ARHGEF37: variants seen among roughly 807,000 people sequenced by gnomAD.
The protein encoded by ARHGEF37 is Rho guanine nucleotide exchange factor (GEF) 37.
In ARHGEF37, 55 loss-of-function variants were observed where a neutral mutation model predicts 71.1. That is an observed-to-expected ratio of 0.77 (90% confidence interval 0.62 to 0.97). The LOEUF is 0.97. ARHGEF37 is among the 50% of genes least tolerant of loss of function. ARHGEF37 has a pLI of 0.00. For synonymous variants in ARHGEF37, 327 were observed against 350.6 expected, an observed-to-expected ratio of 0.93 and a Z score of 0.75; for missense variants, 765 against 836.8, an observed-to-expected ratio of 0.91 and a Z score of 1.06.
intron 1 of ARHGEF37, among the ~76,000 whole-genome samples, chr5:149,589,975 G>A (rs945605264): frequency 6.6e-6 from 1 of 152,056 alleles, no homozygotes; most frequent in Non-Finnish European, 1.5e-5. Flanking sequence ...CCTACATCAT[G>A]TTTTAATTTA....
At chr5:149,577,769 C>T (rs1763043100), upstream of ARHGEF37, among the ~76,000 whole-genome samples, 1 of 152,216 alleles carries the variant, frequency 6.6e-6, no homozygotes, top group South Asian at 2.1e-4. Context: ...GCCCAGCCTT[C>T]ATGTTACCAT....
At chr5:149,611,598 G>A (rs192546370) in intron 4 of ARHGEF37, among the ~76,000 whole-genome samples, 2 of 152,362 alleles carry the variant, frequency 1.3e-5, no homozygotes, top group Admixed American at 1.3e-4. Context: ...TTGGCCCCTG[G>A]CCATGAGAGA....
At chr5:149,622,116 A>G (rs976578884) in intron 9 of ARHGEF37, 54 bp downstream of exon 9, 3 of 1,496,484 alleles carry the variant, frequency 2.0e-6, no homozygotes, top group Non-Finnish European at 2.7e-6. Context: ...AAGGCCCTGC[A>G]GCCCCATCAG....
Position 149,555,413 on chromosome 5 carries a change from C to G in ARHGEF37, c.-12+3290C>G, listed in dbSNP as rs186696932. Among the ~76,000 whole-genome samples the G allele has an allele frequency of 3.2e-3, 487 of 152,108 alleles. 3 individuals are homozygous for G. Among genetic ancestry groups the G allele is most frequent in the African/African-American group, 0.011 (465 of 41,508 alleles). ...AGACCTCCTGGGCTCAAGCAATCCCCCTGCCTCAAGCTTCCCCAGTAGCTA... is the reference window on the plus strand; with the variant it reads ...AGACCTCCTGGGCTCAAGCAATCCCGCTGCCTCAAGCTTCCCCAGTAGCTA... On this transcript the variant is annotated intron_variant, in intron 1 of 2. Transcript: ENST00000505810.
intron 10 of ARHGEF37, 83 bp from the exon 11 acceptor site, chr5:149,626,993 T>C (rs1752706117): frequency 4.9e-6 from 7 of 1,432,022 alleles, no homozygotes; most frequent in African/African-American, 2.8e-5. Context: ...TACTCCTGGC[T>C]GTCAAAATGT....
intron 1 of ARHGEF37, among the ~76,000 whole-genome samples, chr5:149,590,915 A>G (rs921724255): frequency 6.6e-6 from 1 of 151,790 alleles, no homozygotes; most frequent in East Asian, 1.9e-4. Flanking sequence ...GGCTACACCA[A>G]TCTACACTTA....
At chr5:149,576,519 A>G (rs1483981743), upstream of ARHGEF37, among the ~76,000 whole-genome samples, 1 of 152,216 alleles carries the variant, frequency 6.6e-6, no homozygotes, top group African/African-American at 2.4e-5. Flanking sequence ...AAAAATTATT[A>G]TACATTAGTA....
At chr5:149,601,434 C>G (rs372548991) in intron 3 of ARHGEF37, among the ~76,000 whole-genome samples, 1 of 152,106 alleles carries the variant, frequency 6.6e-6, no homozygotes, top group Non-Finnish European at 1.5e-5. Flanking sequence ...TTACAGAGAC[C>G]GAGCCCCAGA....
rs1293391789 is a variant in ARHGEF37, at chr5:149,631,172, CTTTT to C, written c.1819-806_1819-803del. Among the ~76,000 whole-genome samples, 69 of 118,168 alleles carry C rather than the reference CTTTT, an allele frequency of 5.8e-4. No individual in the cohort carries two copies. The East Asian group carries it at 0.017, about 29-fold the overall frequency. The allele number at this position is 118,168 out of a possible 152,430, so 77.5% of individuals were successfully genotyped here. A position where few individuals can be genotyped will look rare whatever the true frequency, so the allele number is the denominator to read the frequency against. On this transcript the variant is annotated intron_variant, in intron 12 of 12. Coordinates refer to ENST00000333677, the MANE Select transcript of ARHGEF37 (RefSeq NM_001001669.3). ...CTTTCCTTCCTTCCTTCCTTCCTTT[CTTTT>C]TTTCTTTTTTTTTTTTTCGGGGTCT... is the stretch of plus-strand genomic sequence containing the variant.
intron 1 of ARHGEF37, among the ~76,000 whole-genome samples, chr5:149,584,602 TTTTCTTTTTC>T (rs1231395334): frequency 6.6e-6 from 1 of 152,148 alleles, no homozygotes; most frequent in Non-Finnish European, 1.5e-5. Context: ...TATATGTTTC[TTTTCTTTTTC>T]TTTTTTTTTT....
At chr5:149,555,230 A>C (rs1762737936) in intron 1 of ARHGEF37, among the ~76,000 whole-genome samples, 3 of 152,244 alleles carry the variant, frequency 2.0e-5, no homozygotes, top group Non-Finnish European at 4.4e-5. Flanking sequence ...AGTGTAGAAT[A>C]AAAATAAAAA....
intron 1 of ARHGEF37, among the ~76,000 whole-genome samples, chr5:149,556,683 G>A (rs1402171252): frequency 6.6e-6 from 1 of 151,992 alleles, no homozygotes; most frequent in African/African-American, 2.4e-5. Context: ...CACTGCACCT[G>A]GCCGTAATTT....
chr5:149,618,317 GC>G lies in ARHGEF37; in HGVS notation c.789+13del. On this transcript the variant is annotated intron_variant, in intron 6 of 12. Coordinates refer to ENST00000333677, the MANE Select transcript of ARHGEF37 (RefSeq NM_001001669.3). ...GGGCTGATCCCCAGGGTGAGCGTGC[GC>G]CTGGGAGGAAGAGTCACATCCAGCC... The G allele has an allele frequency of 6.2e-7, 1 of 1,613,956 alleles. No individual in the cohort carries two copies. Among genetic ancestry groups the G allele is most frequent in the Non-Finnish European group, 8.5e-7 (1 of 1,179,906 alleles).
chr5:149,616,893 T>C lies in ARHGEF37; in HGVS notation c.658+127T>C, dbSNP rs1266291475. The C allele has an allele frequency of 3.9e-6, 4 of 1,013,370 alleles. No individual in the cohort carries two copies. In the African/African-American group the frequency reaches 4.9e-5, roughly 12 times the overall value. 62.8% of individuals were successfully genotyped at this position (1,013,370 alleles called of 1,614,324 possible). A position where few individuals can be genotyped will look rare whatever the true frequency, so the allele number is the denominator to read the frequency against. Reference sequence around the variant, plus strand: ...TATGTAACTATAAATCCAGAGGTAATGCAAGCTTTAGGTAGGGTTCGATCA... The same window carrying C: ...TATGTAACTATAAATCCAGAGGTAACGCAAGCTTTAGGTAGGGTTCGATCA... On this transcript the variant is annotated intron_variant, in intron 5 of 12. Transcript: ENST00000333677.
At chr5:149,590,475 G>GT (rs551141624) in intron 1 of ARHGEF37, among the ~76,000 whole-genome samples, 87 of 151,758 alleles carry the variant, frequency 5.7e-4, no homozygotes, top group South Asian at 5.4e-3. Flanking sequence ...AGAGACGAGG[G>GT]TTCACCATGT....
rs1752903340 is a variant in ARHGEF37, at chr5:149,632,144, G to T, written c.1981G>T (p.Ala661Ser). ...QRGYVPSGFL[A>S]RARSPVLWGW... is the part of the protein sequence containing the mutation. ...GGGTTATGTGCCTTCTGGCTTCTTG[G>T]CCAGGGCTCGGAGCCCAGTTCTGTG... Residue 661 changes from alanine to serine, a missense_variant, in exon 13 of 13, where the codon GCC becomes TCC. Transcript: ENST00000333677. The T allele has an allele frequency of 6.2e-7, 1 of 1,614,140 alleles. No individual in the cohort carries two copies. Among genetic ancestry groups the T allele is most frequent in the African/African-American group, 1.3e-5 (1 of 74,950 alleles).
At position 149,612,521 on chromosome 5, in the gene ARHGEF37, A is replaced by G. The variant is rs149096907; in HGVS notation, c.458+2826A>G. On this transcript the variant is annotated intron_variant, in intron 4 of 12. Transcript: ENST00000333677. ...GAAAGAAGGAAATAACACCGTTGAA[A>G]TTGGGATTTATAAAAGATAGTGTCA... Among the ~76,000 whole-genome samples, 4 of 152,352 alleles carry G rather than the reference A, an allele frequency of 2.6e-5. No homozygotes were observed. The East Asian group carries it at 7.7e-4, about 29-fold the overall frequency.
chr5:149,621,343 G>T (rs1264738842), intron 8 of ARHGEF37, among the ~76,000 whole-genome samples: 1 of 152,096 alleles, frequency 6.6e-6, no homozygotes, highest in Admixed American at 6.5e-5. Flanking sequence ...CATGTGCTAA[G>T]GTGGGAGGAT....
At chr5:149,605,192 A>G (rs984483572) in intron 3 of ARHGEF37, among the ~76,000 whole-genome samples, 1 of 150,492 alleles carries the variant, frequency 6.6e-6, no homozygotes, top group African/African-American at 2.4e-5. Flanking sequence ...GTGCCACTGC[A>G]CTGCAGCCTG....
Sources: gnomAD v4.1 joint callset for allele counts (sites outside exome capture counted in the v4.1 genomes callset) on GRCh38, gnomAD v4.1.1 for gene constraint, MANE v1.5 for transcripts, NCBI Gene and HGNC (gene_info 2026-07-23, HGNC 2026-07-21) for gene names.